PCNX2: variants seen among roughly 807,000 people sequenced by gnomAD.
PCNX2 encodes the protein pecanex 2.
A neutral mutation model predicts 223.8 loss-of-function variants in PCNX2; 168 were observed. That is an observed-to-expected ratio of 0.75 (90% CI 0.66 to 0.85). PCNX2 has a LOEUF of 0.85. Ranked by LOEUF, PCNX2 falls within the 40% of genes least tolerant of loss-of-function variation. PCNX2 has a pLI of 0.00. For missense variants in PCNX2, 2,507 were observed against 2,675.5 expected (o/e 0.94, Z 1.39); for synonymous variants, 1,006 against 1,052.6 (o/e 0.96, Z 0.86).
In PCNX2 at chr1:232,986,382, G is replaced by A. The variant is rs1364950340; in HGVS notation, c.5950C>T (p.Arg1984Trp). 6.2e-6 allele frequency: 10 copies of A among 1,602,660 alleles called. No homozygotes were observed. The highest frequency in any genetic ancestry group is 3.4e-5 in the Admixed American group (2 of 58,778). The change falls in exon 33 of 34, where the codon CGG (arginine) becomes TGG (tryptophan). Residue 1984 changes from arginine (R) to tryptophan (W), a missense_variant. Transcript: ENST00000258229. ...GTGGCCGAGGCGTGCAAGGAGAGCC[G>A]GCTGCCCGAGAGCCTCTGGGCCAGC... Reference protein sequence around the residue: ...HELAQRLSGSRLSLHASATSL... With the variant: ...HELAQRLSGSWLSLHASATSL...
intron 14 of PCNX2, 79 bp from the exon 15 acceptor site, chr1:233,199,109 T>C (rs1680907619): frequency 7.5e-7 from 1 of 1,334,980 alleles, no homozygotes; most frequent in South Asian, 1.4e-5. Context: ...GAAGAGATGG[T>C]TGCACATTCG....
At chr1:233,233,032 C>T in intron 9 of PCNX2, 19 of 985,292 alleles carry the variant, frequency 1.9e-5, no homozygotes, top group Non-Finnish European at 2.3e-5. Flanking sequence ...ATGCTGTATT[C>T]CTACAGATCC....
intron 1 of PCNX2, among the ~76,000 whole-genome samples, chr1:233,264,238 C>G (rs1174180772): frequency 3.9e-5 from 6 of 152,202 alleles, no homozygotes; most frequent in Admixed American, 3.3e-4. Context: ...AACTACATTC[C>G]TATTCTTTGG....
intron 25 of PCNX2, 142 bp from the exon 26 acceptor site, chr1:233,025,541 G>T: frequency 9.8e-7 from 1 of 1,023,064 alleles, no homozygotes; most frequent in Non-Finnish European, 1.4e-6. Flanking sequence ...CCTCAAATAA[G>T]TCCCCCAAAG....
intron 8 of PCNX2, among the ~76,000 whole-genome samples, chr1:233,239,094 TATC>T (rs1658600738): frequency 6.6e-6 from 1 of 152,218 alleles, no homozygotes; most frequent in Non-Finnish European, 1.5e-5. Context: ...AATTCAGAGA[TATC>T]TTAAACGGAG....
At position 233,090,136 on chromosome 1, in the gene PCNX2, A is replaced by G. The variant is rs1435230591; in HGVS notation, c.4001T>C (p.Leu1334Ser). 4 of 1,613,992 alleles carry G rather than the reference A, an allele frequency of 2.5e-6. No individual in the cohort carries two copies. The highest frequency in any genetic ancestry group is 2.5e-6 in the Non-Finnish European group (3 of 1,179,852). Residue 1334 changes from leucine to serine, a missense_variant, in exon 23 of 34, where the codon TTG (leucine) becomes TCG (serine). Physicochemically the swap from Leu to Ser is moderately radical, Grantham distance 145 (BLOSUM62 -2). Coordinates refer to ENST00000258229, the MANE Select transcript of PCNX2 (RefSeq NM_014801.4). ...AATGACACTCCCAAGAAATGGGCTC[A>G]ATGGGGTAGAAAAGATTGATGTGGC... ...TIATSIFSTP[L>S]SPFLGSVIFI...
At chr1:233,018,991 GC>G (rs1366018237) in intron 26 of PCNX2, 1 of 985,390 alleles carries the variant, frequency 1.0e-6, no homozygotes, top group East Asian at 1.1e-4. Context: ...TTCTAGGGGG[GC>G]CCCCACCCTC....
At chr1:233,159,643 A>G (rs2102818948) in intron 19 of PCNX2, among the ~76,000 whole-genome samples, 1 of 152,344 alleles carries the variant, frequency 6.6e-6, no homozygotes, top group African/African-American at 2.4e-5. Context: ...GAGCAAGGAA[A>G]GATCTAGCAG....
At chr1:233,297,016 G>GCTGCTTT (rs1558438759), upstream of PCNX2, among the ~76,000 whole-genome samples, 1 of 152,206 alleles carries the variant, frequency 6.6e-6, no homozygotes, top group Non-Finnish European at 1.5e-5. Flanking sequence ...ATGGAATATG[G>GCTGCTTT]CTGCTTTCTG....
chr1:233,219,642 G>T (rs1460684528), intron 10 of PCNX2, among the ~76,000 whole-genome samples: 1 of 152,058 alleles, frequency 6.6e-6, no homozygotes, highest in Non-Finnish European at 1.5e-5. Context: ...AAAAATAATA[G>T]GATATGTTGT....
At chr1:233,140,615 A>G (rs1571953465) in intron 19 of PCNX2, among the ~76,000 whole-genome samples, 1 of 151,948 alleles carries the variant, frequency 6.6e-6, no homozygotes. Flanking sequence ...ATGGCAGGAG[A>G]TGGGGTAATG....
chr1:233,265,044 C>T (rs1459523210), intron 1 of PCNX2, among the ~76,000 whole-genome samples: 1 of 151,944 alleles, frequency 6.6e-6, no homozygotes, highest in Non-Finnish European at 1.5e-5. Flanking sequence ...TCAAGAGCAG[C>T]CTGGGCAACA....
At chr1:233,243,837 T>C (rs1389165962) in intron 8 of PCNX2, among the ~76,000 whole-genome samples, 1 of 149,296 alleles carries the variant, frequency 6.7e-6, no homozygotes, top group Non-Finnish European at 1.5e-5. Flanking sequence ...TTTTTTATTT[T>C]TTATTTTTTT....
chr1:233,200,089 G>A, intron 14 of PCNX2, 65 bp downstream of exon 14: 2 of 1,286,676 alleles, frequency 1.6e-6, no homozygotes, highest in Non-Finnish European at 2.1e-6. Flanking sequence ...TCCTGCCTAA[G>A]GCTATTTAGT....
At chr1:233,177,610 G>A (rs543345977) in intron 17 of PCNX2, among the ~76,000 whole-genome samples, 192 bp downstream of exon 17, 6 of 152,282 alleles carry the variant, frequency 3.9e-5, no homozygotes, top group South Asian at 2.1e-4. Flanking sequence ...TTACAGCACC[G>A]GAGAGCAAGC....
Position 233,234,402 on chromosome 1 carries a change from T to C in PCNX2, c.2358+2443A>G, listed in dbSNP as rs554572148. Among the ~76,000 whole-genome samples, 57 of 152,284 alleles carry C rather than the reference T, an allele frequency of 3.7e-4. 1 individual carries two copies. The highest frequency in any genetic ancestry group is 5.1e-4 in the Non-Finnish European group (35 of 68,018). On this transcript the variant is annotated intron_variant, in intron 9 of 33. Coordinates refer to ENST00000258229, the MANE Select transcript of PCNX2 (RefSeq NM_014801.4). ...CTCCATACCCATATATATTAGAATA[T>C]AGAACTTTAAAATTTTTTACTTAAA...
At chr1:233,169,774 C>T (rs1297473415) in intron 17 of PCNX2, among the ~76,000 whole-genome samples, 7 of 151,866 alleles carry the variant, frequency 4.6e-5, no homozygotes, top group Middle Eastern at 3.4e-3. Flanking sequence ...TTCCAGCATC[C>T]TAGAAGCTTC....
intron 8 of PCNX2, among the ~76,000 whole-genome samples, chr1:233,245,535 T>C (rs980577786): frequency 6.6e-6 from 1 of 152,070 alleles, no homozygotes; most frequent in African/African-American, 2.4e-5. Flanking sequence ...GCTTTCCCAC[T>C]GGAGGGGGCA....
At chr1:233,086,036 T>C (rs1673584325) in intron 23 of PCNX2, among the ~76,000 whole-genome samples, 1 of 152,200 alleles carries the variant, frequency 6.6e-6, no homozygotes, top group Admixed American at 6.5e-5. Flanking sequence ...GGCAAACTGT[T>C]AGAGGAATTT....
Sources: allele counts gnomAD v4.1 joint callset (sites outside exome capture counted in the v4.1 genomes callset), GRCh38; gene constraint gnomAD v4.1.1; transcripts MANE v1.5; gene names NCBI Gene and HGNC (gene_info 2026-07-23, HGNC 2026-07-21).